Variants in MEI4 observed in about 807,000 individuals in gnomAD.
MEI4 encodes meiosis-specific protein MEI4.
A neutral mutation model predicts 31.4 loss-of-function variants in MEI4; 27 were observed. The observed-to-expected ratio is 0.86, with a 90% CI of 0.63 to 1.19. MEI4 has a LOEUF of 1.19. Among genes scored for constraint, MEI4 ranks in the 50% most tolerant of loss-of-function variants. The pLI is 0.00. For synonymous variants in MEI4, 122 were observed against 145.4 expected (o/e 0.84, Z 1.16); for missense variants, 329 against 398.9 (o/e 0.82, Z 1.49).
intron 2 of MEI4, among the ~76,000 whole-genome samples, chr6:77,760,476 A>G (rs1311935195): frequency 6.6e-6 from 1 of 152,082 alleles, no homozygotes; most frequent in Non-Finnish European, 1.5e-5. Flanking sequence ...TGGCCTCTAT[A>G]TTATTTATCT....
chr6:77,752,894 CA>C (rs1432416333), intron 2 of MEI4, among the ~76,000 whole-genome samples: 1 of 152,094 alleles, frequency 6.6e-6, no homozygotes, highest in African/African-American at 2.4e-5. Context: ...GTACTGGTAC[CA>C]AAACAGATAT....
chr6:77,706,672 C>T (rs963531254), intron 2 of MEI4, among the ~76,000 whole-genome samples: 1 of 152,120 alleles, frequency 6.6e-6, no homozygotes, highest in Non-Finnish European at 1.5e-5. Context: ...GGATGGATCC[C>T]TCAAGAATGA....
At chr6:77,738,189 A>T (rs1767304447) in intron 2 of MEI4, among the ~76,000 whole-genome samples, 1 of 152,192 alleles carries the variant, frequency 6.6e-6, no homozygotes, top group South Asian at 2.1e-4. Context: ...GAGCACCTAA[A>T]GGCAAAGGGA....
intron 3 of MEI4, among the ~76,000 whole-genome samples, chr6:77,772,072 A>C (rs1768332214): frequency 6.6e-6 from 1 of 152,016 alleles, no homozygotes; most frequent in African/African-American, 2.4e-5. Context: ...TGGTGAAATT[A>C]AAAAGTCTCC....
intron 2 of MEI4, among the ~76,000 whole-genome samples, chr6:77,710,240 T>C (rs1766427487): frequency 6.6e-6 from 1 of 152,016 alleles, no homozygotes; most frequent in Non-Finnish European, 1.5e-5. Flanking sequence ...GGAGCTTCCA[T>C]AGGTATGAAA....
intron 3 of MEI4, among the ~76,000 whole-genome samples, chr6:77,791,117 A>T (rs1408731900): frequency 2.6e-5 from 4 of 152,140 alleles, no homozygotes; most frequent in Admixed American, 6.5e-5. Context: ...TGTGGAAGTC[A>T]GTGTGGCGAT....
At position 77,702,343 on chromosome 6, in the gene MEI4, A is replaced by G. The variant is rs534275883; in HGVS notation, c.232+11440A>G. 5.3e-5 allele frequency among the ~76,000 whole-genome samples: 8 copies of G among 152,252 alleles called. 1 individual carries two copies. Among genetic ancestry groups the G allele is most frequent in the African/African-American group, 2.4e-5 (1 of 41,546 alleles). On this transcript the variant is annotated intron_variant, in intron 2 of 4. Transcript: ENST00000684080. ...GATGCTGAAAGAGTGTGAAAATTCA[A>G]TGCGTAAGCATTTCTCTCTCAGTTC...
chr6:77,824,822 A>C (rs1054279349), intron 3 of MEI4, among the ~76,000 whole-genome samples: 5 of 152,182 alleles, frequency 3.3e-5, no homozygotes, highest in Admixed American at 6.6e-5. Flanking sequence ...TTCTTAGTTC[A>C]CATTGTTCCA....
At chr6:77,733,798 A>G (rs921822886) in intron 2 of MEI4, among the ~76,000 whole-genome samples, 1 of 151,980 alleles carries the variant, frequency 6.6e-6, no homozygotes, top group Non-Finnish European at 1.5e-5. Context: ...CAGTGCTTTG[A>G]ATGTGTCCCA....
intron 2 of MEI4, among the ~76,000 whole-genome samples, chr6:77,730,127 G>A (rs1169789135): frequency 6.6e-6 from 1 of 152,148 alleles, no homozygotes. Flanking sequence ...ATCTCAATGG[G>A]AAAGGTAATT....
At chr6:77,904,253 T>G (rs952007043) in intron 4 of MEI4, among the ~76,000 whole-genome samples, 14 of 152,158 alleles carry the variant, frequency 9.2e-5, no homozygotes, top group African/African-American at 3.4e-4. Flanking sequence ...GTAAAGCATC[T>G]TATAGTTATA....
intron 4 of MEI4, among the ~76,000 whole-genome samples, chr6:77,864,968 C>T (rs570044330): frequency 6.6e-6 from 1 of 152,276 alleles, no homozygotes; most frequent in African/African-American, 2.4e-5. Context: ...GAACAACCTG[C>T]TCCTGAATGA....
At chr6:77,797,961 G>A (rs1203060832) in intron 3 of MEI4, among the ~76,000 whole-genome samples, 1 of 152,044 alleles carries the variant, frequency 6.6e-6, no homozygotes, top group Non-Finnish European at 1.5e-5. Flanking sequence ...TAAAGTAAGA[G>A]TCTCACACAC....
At position 77,898,380 on chromosome 6, in the gene MEI4, C is replaced by G. The variant is rs557586044; in HGVS notation, c.901-24709C>G. 6.6e-5 allele frequency among the ~76,000 whole-genome samples: 10 copies of G among 152,130 alleles called. No individual in the cohort carries two copies. The East Asian group carries it at 1.2e-3, about 18-fold the overall frequency. ...TTTAAAGTACCATGTTGAATGCATT[C>G]TTTTAGAGACAACTCATTTTAGTTG... is the stretch of plus-strand genomic sequence containing the variant. On this transcript the variant is annotated intron_variant, in intron 4 of 4. Transcript: ENST00000684080.
At chr6:77,716,204 A>G (rs962682701) in intron 2 of MEI4, among the ~76,000 whole-genome samples, 1 of 152,212 alleles carries the variant, frequency 6.6e-6, no homozygotes, top group Non-Finnish European at 1.5e-5. Context: ...ATGGGAGCCA[A>G]TTACAGGGGA....
chr6:77,742,377 G>A (rs1382930626), intron 2 of MEI4, among the ~76,000 whole-genome samples: 6 of 151,924 alleles, frequency 3.9e-5, no homozygotes, highest in African/African-American at 7.3e-5. Flanking sequence ...GCCAGTGATG[G>A]TGAGCATTTT....
At chr6:77,808,495 A>G (rs1220321259) in intron 3 of MEI4, among the ~76,000 whole-genome samples, 2 of 152,196 alleles carry the variant, frequency 1.3e-5, no homozygotes, top group African/African-American at 4.8e-5. Flanking sequence ...GGCTGAGATC[A>G]ATTAAGAGAC....
intron 4 of MEI4, among the ~76,000 whole-genome samples, chr6:77,870,066 A>G (rs146960969): frequency 8.5e-4 from 130 of 152,246 alleles, no homozygotes; most frequent in African/African-American, 2.6e-3. Context: ...AAGAGAGGAA[A>G]GGGGGCAAGT....
At chr6:77,741,158 AT>A (rs1446477061) in intron 2 of MEI4, among the ~76,000 whole-genome samples, 1 of 152,158 alleles carries the variant, frequency 6.6e-6, no homozygotes, top group African/African-American at 2.4e-5. Context: ...GTTAATTAGC[AT>A]GGCATGTTTT....
Sources: gnomAD v4.1 joint callset for allele counts (sites outside exome capture counted in the v4.1 genomes callset) on GRCh38, gnomAD v4.1.1 for gene constraint, MANE v1.5 for transcripts, NCBI Gene and HGNC (gene_info 2026-07-23, HGNC 2026-07-21) for gene names.